Variants in DLG2 observed in about 807,000 individuals in gnomAD.
DLG2 encodes disks large homolog 2.
DLG2 carries 45 observed loss-of-function variants against 132.5 expected under a neutral mutation model. That is an observed-to-expected ratio of 0.34 (90% CI 0.27 to 0.44). The LOEUF (loss-of-function observed/expected upper bound fraction) is 0.44, where lower values mean the gene tolerates loss of function less well. Ranked by LOEUF, DLG2 falls within the 20% of genes least tolerant of loss-of-function variation. The pLI is 1.00. For synonymous variants in DLG2, 424 were observed against 419.6 expected, an observed-to-expected ratio of 1.01 and a Z score of -0.13; for missense variants, 1,045 against 1,196.9, an observed-to-expected ratio of 0.87 and a Z score of 1.87.
intron 6 of DLG2, among the ~76,000 whole-genome samples, chr11:85,084,052 G>A (rs2067582288): frequency 6.6e-6 from 1 of 152,088 alleles, no homozygotes; most frequent in African/African-American, 2.4e-5. Context: ...CAGAATTGGA[G>A]TACAGGTACT....
intron 7 of DLG2, among the ~76,000 whole-genome samples, chr11:84,485,906 A>G (rs2099149516): frequency 1.3e-5 from 2 of 152,154 alleles, no homozygotes; most frequent in African/African-American, 2.4e-5. Flanking sequence ...TCTGATCTAT[A>G]TAGTCATTCA....
intron 6 of DLG2, among the ~76,000 whole-genome samples, chr11:84,816,684 G>A (rs1353441091): frequency 6.6e-6 from 1 of 151,856 alleles, no homozygotes; most frequent in African/African-American, 2.4e-5. Context: ...GTGAAGTGAG[G>A]TATCTTGCTC....
chr11:84,340,249 C>T (rs1239013440), intron 7 of DLG2, among the ~76,000 whole-genome samples: 1 of 152,206 alleles, frequency 6.6e-6, no homozygotes, highest in African/African-American at 2.4e-5. Flanking sequence ...GCCTTAATCT[C>T]TGAGTTCTAC....
At chr11:83,929,806 C>T (rs1187157432) in intron 15 of DLG2, among the ~76,000 whole-genome samples, 1 of 151,982 alleles carries the variant, frequency 6.6e-6, no homozygotes, top group Non-Finnish European at 1.5e-5. Flanking sequence ...GAGATGGAAC[C>T]AACTAATCCT....
At chr11:83,556,466 G>A (rs1488452696) in intron 19 of DLG2, among the ~76,000 whole-genome samples, 2 of 151,258 alleles carry the variant, frequency 1.3e-5, no homozygotes, top group Non-Finnish European at 2.9e-5. Context: ...TCCACCTCCC[G>A]GGTTCAAGTG....
At chr11:85,197,241 T>C (rs2081138300) in intron 4 of DLG2, among the ~76,000 whole-genome samples, 1 of 152,218 alleles carries the variant, frequency 6.6e-6, no homozygotes, top group Non-Finnish European at 1.5e-5. Flanking sequence ...TGTTACATTG[T>C]GAAAAGTCAA....
At chr11:84,349,289 T>C (rs2098552337) in intron 7 of DLG2, among the ~76,000 whole-genome samples, 1 of 152,104 alleles carries the variant, frequency 6.6e-6, no homozygotes, top group Non-Finnish European at 1.5e-5. Flanking sequence ...AAAGGCATGG[T>C]GTCTAAAGCA....
intron 20 of DLG2, among the ~76,000 whole-genome samples, chr11:83,537,124 A>G (rs11233660): frequency 0.046 from 6,936 of 152,268 alleles, 217 homozygotes; most frequent in South Asian, 0.12. Flanking sequence ...CTCATCACTG[A>G]CCAAAATACC....
At chr11:85,411,144 C>A (rs1195701299) in intron 3 of DLG2, among the ~76,000 whole-genome samples, 1 of 151,350 alleles carries the variant, frequency 6.6e-6, no homozygotes, top group Non-Finnish European at 1.5e-5. Flanking sequence ...AGAACAAGTA[C>A]AAAGGAGGAG....
chr11:83,535,039 GA>G (rs768855401), intron 20 of DLG2, among the ~76,000 whole-genome samples: 43 of 152,330 alleles, frequency 2.8e-4, no homozygotes, highest in Admixed American at 5.9e-4. Context: ...CAGTTGGGGA[GA>G]AAGCAAGACA....
intron 5 of DLG2, among the ~76,000 whole-genome samples, chr11:85,147,331 A>G (rs1057257737): frequency 6.6e-6 from 1 of 152,158 alleles, no homozygotes; most frequent in Non-Finnish European, 1.5e-5. Flanking sequence ...TGATAAAGCC[A>G]TCCTAATGAG....
chr11:84,668,171 G>A (rs533658045), intron 6 of DLG2, among the ~76,000 whole-genome samples: 81 of 152,104 alleles, frequency 5.3e-4, no homozygotes, highest in Admixed American at 4.6e-4. Flanking sequence ...ATAAATATTT[G>A]TGCCCCTATC....
rs568520426 is a variant in DLG2 at position 85,098,207 on chromosome 11, G to T, written c.357+13454C>A. The stretch of plus-strand genomic sequence containing the variant: ...GGAGATAGGATTTTAACCCGGTACT[G>T]AGTGACTTCAAAGTCCATGCTCTTT... On this transcript the variant is annotated intron_variant, in intron 6 of 27. Coordinates refer to ENST00000376104, the MANE Select transcript of DLG2 (RefSeq NM_001142699.3). Among the ~76,000 whole-genome samples, 6 of 152,276 alleles carry T rather than the reference G, an allele frequency of 3.9e-5. 1 individual carries two copies. In the South Asian group the frequency reaches 1.2e-3, roughly 32 times the overall value.
intron 6 of DLG2, among the ~76,000 whole-genome samples, chr11:84,811,315 G>C (rs2076535539): frequency 6.6e-6 from 1 of 152,112 alleles, no homozygotes; most frequent in Admixed American, 6.6e-5. Context: ...AAAGAGGGGA[G>C]CAAGAGGATG....
intron 6 of DLG2, among the ~76,000 whole-genome samples, chr11:84,612,857 A>G (rs952166257): frequency 1.3e-5 from 2 of 152,130 alleles, no homozygotes; most frequent in African/African-American, 2.4e-5. Flanking sequence ...CATTTGTCCA[A>G]TACACCAGAG....
intron 6 of DLG2, among the ~76,000 whole-genome samples, chr11:84,667,227 T>C (rs1051705009): frequency 1.3e-5 from 2 of 152,124 alleles, no homozygotes; most frequent in African/African-American, 4.8e-5. Flanking sequence ...AGCAACTTAA[T>C]AGAAACATTA....
chr11:85,355,912 G>A (rs763088665), intron 3 of DLG2, among the ~76,000 whole-genome samples: 20 of 152,138 alleles, frequency 1.3e-4, no homozygotes, highest in Admixed American at 2.6e-4. Flanking sequence ...TCCAACATTT[G>A]TCAGCTATTT....
chr11:84,214,124 A>T (rs1034551698), intron 8 of DLG2, among the ~76,000 whole-genome samples: 5 of 149,054 alleles, frequency 3.4e-5, no homozygotes, highest in Admixed American at 3.3e-4. Flanking sequence ...ATTAGTGAAA[A>T]ATGATGATGA....
At chr11:83,950,146 T>A (rs973197839) in intron 14 of DLG2, among the ~76,000 whole-genome samples, 5 of 152,164 alleles carry the variant, frequency 3.3e-5, no homozygotes, top group African/African-American at 1.2e-4. Flanking sequence ...ACTATGCAAA[T>A]TAACCAATGT....
Sources: allele counts gnomAD v4.1 joint callset (sites outside exome capture counted in the v4.1 genomes callset), GRCh38; gene constraint gnomAD v4.1.1; transcripts MANE v1.5; gene names NCBI Gene and HGNC (gene_info 2026-07-23, HGNC 2026-07-21).